Variants in GNB1 observed in about 807,000 individuals in gnomAD.
GNB1 encodes the protein G protein subunit beta 1, also known as guanine nucleotide-binding protein G(I)/G(S)/G(T) subunit beta-1.
A neutral mutation model predicts 42.9 loss-of-function variants in GNB1; 2 were observed. That is an observed-to-expected ratio of 0.05 (90% CI 0.02 to 0.15). The LOEUF (loss-of-function observed/expected upper bound fraction) is 0.15, where lower values mean the gene tolerates loss of function less well. Among genes scored for constraint, GNB1 ranks in the 10% least tolerant of loss-of-function variants. The pLI is 1.00. For missense variants in GNB1, 193 were observed against 462.2 expected, an observed-to-expected ratio of 0.42 and a Z score of 5.34; for synonymous variants, 183 against 174.7, an observed-to-expected ratio of 1.05 and a Z score of -0.38.
chr1:1,789,674 A>AC (rs1646455689), intron 9 of GNB1, among the ~76,000 whole-genome samples: 1 of 142,058 alleles, frequency 7.0e-6, no homozygotes, highest in African/African-American at 2.6e-5. Context: ...CAGCCTGGGC[A>AC]ACAAGAGCAA....
At chr1:1,821,811 C>T (rs1460401920) in intron 3 of GNB1, among the ~76,000 whole-genome samples, 1 of 152,196 alleles carries the variant, frequency 6.6e-6, no homozygotes, top group East Asian at 1.9e-4. Context: ...TTACACATTG[C>T]ATAATAAATA....
intron 3 of GNB1, among the ~76,000 whole-genome samples, chr1:1,823,999 G>A (rs751904759): frequency 3.3e-5 from 5 of 152,146 alleles, no homozygotes; most frequent in East Asian, 1.9e-4. Context: ...GACTACAGGC[G>A]CGCACCACCA....
At chr1:1,879,566 G>T (rs765978394) in intron 1 of GNB1, among the ~76,000 whole-genome samples, 7 of 151,948 alleles carry the variant, frequency 4.6e-5, no homozygotes, top group Non-Finnish European at 2.9e-5. Flanking sequence ...TTAGCCAGGC[G>T]TGGTGGCAGG....
At position 1,803,286 on chromosome 1, in the gene GNB1, G is replaced by A. The variant is rs145221059; in HGVS notation, c.430+1133C>T. On this transcript the variant is annotated intron_variant, in intron 7 of 11. Transcript: ENST00000378609. ...AAATAATAGACTACCTAGCACTTAC[G>A]GCCACAGGGCTCTATTATGCCTCAT... Among the ~76,000 whole-genome samples, 745 of 152,254 alleles carry A rather than the reference G, an allele frequency of 4.9e-3. 1 individual carries two copies. Among genetic ancestry groups the A allele is most frequent in the Non-Finnish European group, 8.4e-3 (571 of 68,024 alleles).
chr1:1,819,624 G>A (rs1248578257), intron 3 of GNB1, among the ~76,000 whole-genome samples: 2 of 151,578 alleles, frequency 1.3e-5, no homozygotes, highest in South Asian at 2.1e-4. Flanking sequence ...CTGCAGCCTC[G>A]ACCTCCTGGG....
intron 7 of GNB1, among the ~76,000 whole-genome samples, chr1:1,801,386 TTAAAG>T (rs941681761): frequency 3.3e-5 from 5 of 152,292 alleles, no homozygotes; most frequent in East Asian, 1.9e-4. Flanking sequence ...TTAAGAATGT[TTAAAG>T]TAAAGAATAC....
chr1:1,798,706 A>C (rs146095345), intron 7 of GNB1, among the ~76,000 whole-genome samples: 167 of 152,304 alleles, frequency 1.1e-3, no homozygotes, highest in Middle Eastern at 0.01. Context: ...AGGGCTGGAA[A>C]TAAGCTTTTT....
intron 1 of GNB1, among the ~76,000 whole-genome samples, chr1:1,866,107 T>A (rs918922994): frequency 3.3e-5 from 5 of 152,174 alleles, no homozygotes; most frequent in African/African-American, 4.8e-5. Flanking sequence ...GCCAGCTAAT[T>A]TTTTCTATTT....
In GNB1 at chr1:1,786,520, C is replaced by T. The variant is rs926288528; in HGVS notation, c.*543G>A. ...ATCATTGACAACATCAGAGAGGCTG[C>T]CCTAGACTCTCTGGTTTTGATTAAC... On this transcript the variant is annotated 3_prime_UTR_variant, in exon 12 of 12. Transcript: ENST00000378609. 1 of 158,206 alleles carries T rather than the reference C, an allele frequency of 6.3e-6. No homozygotes were observed. 9.8% of individuals were successfully genotyped at this position (158,206 alleles called of 1,614,324 possible).
At chr1:1,804,683 G>T (rs930985494) in intron 6 of GNB1, 102 bp from the exon 7 acceptor site, 1 of 892,730 alleles carries the variant, frequency 1.1e-6, no homozygotes, top group Non-Finnish European at 1.7e-6. Flanking sequence ...GGAGGTAACA[G>T]AACAAAATAA....
chr1:1,813,901 A>G (rs1646815385), intron 5 of GNB1, among the ~76,000 whole-genome samples: 1 of 152,234 alleles, frequency 6.6e-6, no homozygotes, highest in Admixed American at 6.5e-5. Context: ...TAAATCAATC[A>G]AGCTAATCAA....
chr1:1,872,737 A>G (rs1027516902), intron 1 of GNB1, among the ~76,000 whole-genome samples: 1 of 152,202 alleles, frequency 6.6e-6, no homozygotes, highest in Non-Finnish European at 1.5e-5. Context: ...AACAGCTCAC[A>G]GCACCTACCA....
chr1:1,851,045 G>A (rs912055564), intron 1 of GNB1, among the ~76,000 whole-genome samples: 1 of 152,124 alleles, frequency 6.6e-6, no homozygotes, highest in Non-Finnish European at 1.5e-5. Context: ...CAAGGCGGGC[G>A]GATCACAAGG....
chr1:1,812,937 G>C (rs909136358), intron 5 of GNB1, among the ~76,000 whole-genome samples: 1 of 150,518 alleles, frequency 6.6e-6, no homozygotes, highest in African/African-American at 2.4e-5. Flanking sequence ...ACCCAGTCCA[G>C]AGCCCAGCTG....
At chr1:1,871,277 T>C (rs547793553) in intron 1 of GNB1, among the ~76,000 whole-genome samples, 3 of 152,120 alleles carry the variant, frequency 2.0e-5, no homozygotes, top group South Asian at 4.2e-4. Context: ...GTGACCAACA[T>C]GGTGAAACCC....
At chr1:1,890,722 C>T (rs1263097424) in intron 1 of GNB1, 98 bp downstream of exon 1, 1 of 148,528 alleles carries the variant, frequency 6.7e-6, no homozygotes, top group South Asian at 2.1e-4. Context: ...AAGACGCGGC[C>T]CCGACCGGCG....
chr1:1,855,671 A>T (rs1648250412), intron 1 of GNB1, among the ~76,000 whole-genome samples: 1 of 151,804 alleles, frequency 6.6e-6, no homozygotes, highest in South Asian at 2.1e-4. Flanking sequence ...GCGCCACTGC[A>T]CTCCAGCCTG....
chr1:1,852,495 G>A (rs1348039949), intron 1 of GNB1, among the ~76,000 whole-genome samples: 1 of 151,984 alleles, frequency 6.6e-6, no homozygotes, highest in African/African-American at 2.4e-5. Flanking sequence ...CTCCCAAAGT[G>A]CTAGGATTAC....
chr1:1,820,394 G>C (rs1372740726), intron 3 of GNB1, among the ~76,000 whole-genome samples: 2 of 142,620 alleles, frequency 1.4e-5, no homozygotes, highest in Non-Finnish European at 3.0e-5. Flanking sequence ...ACTATACTGA[G>C]ATTATTATAA....
Sources: gnomAD v4.1 joint callset for allele counts (sites outside exome capture counted in the v4.1 genomes callset) on GRCh38, gnomAD v4.1.1 for gene constraint, MANE v1.5 for transcripts, NCBI Gene and HGNC (gene_info 2026-07-23, HGNC 2026-07-21) for gene names.